HEXIM1: variants seen among roughly 807,000 people sequenced by gnomAD.
The protein encoded by HEXIM1 is protein HEXIM1.
A neutral mutation model predicts 30.3 loss-of-function variants in HEXIM1; 1 was observed. The ratio of observed to expected loss-of-function variants is 0.03; its 90% confidence interval spans 0.01 to 0.16. The LOEUF (loss-of-function observed/expected upper bound fraction) is 0.16, where lower values mean the gene tolerates loss of function less well. Among genes scored for constraint, HEXIM1 ranks in the 10% least tolerant of loss-of-function variants. HEXIM1 has a pLI of 1.00. For missense variants in HEXIM1, 391 were observed against 476.4 expected, an observed-to-expected ratio of 0.82 and a Z score of 1.67; for synonymous variants, 245 against 208.3, an observed-to-expected ratio of 1.18 and a Z score of -1.52.
chr17:45,149,127 AC>A lies in HEXIM1; in HGVS notation c.-61del. Reference sequence around the variant, plus strand: ...TTTCTTTTTCTTTTTTTTAAGAAAAACCCATTTTTTTCCTTAAGGACTTACT... The same window carrying A: ...TTTCTTTTTCTTTTTTTTAAGAAAAACCATTTTTTTCCTTAAGGACTTACT... On this transcript the variant is annotated 5_prime_UTR_variant, in exon 1 of 1. Transcript: ENST00000332499. The surrounding 1 kb of genome is among the most constrained non-coding windows in gnomAD (Gnocchi z 5.3). 6.8e-7 allele frequency: 1 copy of A among 1,466,346 alleles called. No individual in the cohort carries two copies. Among genetic ancestry groups the A allele is most frequent in the Non-Finnish European group, 9.1e-7 (1 of 1,096,848 alleles). 90.8% of individuals were successfully genotyped at this position (1,466,346 alleles called of 1,614,324 possible).
rs756541320 is a variant in HEXIM1, at chr17:45,150,141, C to T, written c.951C>T (p.Gly317=). 1.2e-5 allele frequency: 20 copies of T among 1,613,350 alleles called. No individual in the cohort carries two copies. The African/African-American group carries it at 1.7e-4, about 14-fold the overall frequency. Residue 317 remains glycine, a synonymous_variant, in exon 1 of 1, where the codon GGC becomes GGT. Coordinates refer to ENST00000332499, the MANE Select transcript of HEXIM1 (RefSeq NM_006460.3). ...GGCTGGAGAGCAAGCGGCTGGGTGG[C>T]GACGACGCGCGTGTGCGGGAGCTGG... The part of the protein sequence containing the change: ...RLRLESKRLG[G]DDARVRELEL...
In HEXIM1 at chr17:45,150,078, G is replaced by A. The variant is rs1197234281; in HGVS notation, c.888G>A (p.Lys296=). 1.2e-6 allele frequency: 2 copies of A among 1,613,840 alleles called. No individual in the cohort carries two copies. Among genetic ancestry groups the A allele is most frequent in the Admixed American group, 1.7e-5 (1 of 60,004 alleles). Residue 296 remains lysine (K), a synonymous_variant, in exon 1 of 1, where the codon AAG becomes AAA. Coordinates refer to ENST00000332499, the MANE Select transcript of HEXIM1 (RefSeq NM_006460.3). ...ELIKEYLELE[K]CLSRMEDENN... The stretch of plus-strand genomic sequence containing the variant: ...TCAAGGAGTACCTGGAACTGGAGAA[G>A]TGCCTCTCGCGCATGGAGGACGAGA...
rs910782172 is a variant in HEXIM1, at chr17:45,148,785, C to T, written c.-406C>T. 11 of 402,960 alleles carry T rather than the reference C, an allele frequency of 2.7e-5. No individual in the cohort carries two copies. Among genetic ancestry groups the T allele is most frequent in the Middle Eastern group, 6.2e-4 (1 of 1,610 alleles). 25.0% of individuals were successfully genotyped at this position (402,960 alleles called of 1,614,324 possible). A position where few individuals can be genotyped will look rare whatever the true frequency, so the allele number is the denominator to read the frequency against. On this transcript the variant is annotated 5_prime_UTR_variant, in exon 1 of 1. Transcript: ENST00000332499. Reference sequence around the variant, plus strand: ...GATTTAACCCTTTGTGGATCTGGCCCCTCGGAGGCAGCGTCATCGGTAGTT... The same window carrying T: ...GATTTAACCCTTTGTGGATCTGGCCTCTCGGAGGCAGCGTCATCGGTAGTT...
Position 45,149,291 on chromosome 17 carries a change from C to T in HEXIM1, c.101C>T (p.Pro34Leu). Reference protein sequence around the residue: ...VQEELNPERPPGAEERVPEED... With the variant: ...VQEELNPERPLGAEERVPEED... ...GAAGAGCTGAACCCTGAGCGCCCCC[C>T]AGGCGCGGAGGAGCGGGTGCCCGAG... The change falls in exon 1 of 1, where the codon CCA (proline) becomes CTA (leucine). Residue 34 changes from proline (P) to leucine (L), a missense_variant. Pro to Leu is a moderately conservative substitution (Grantham distance 98). Around this residue, in one of 5 missense-constraint regions of HEXIM1, gnomAD observed 230 missense variants for 199.4 expected, o/e 1.15. Coordinates refer to ENST00000332499, the MANE Select transcript of HEXIM1 (RefSeq NM_006460.3). The surrounding 1 kb of genome is among the most constrained non-coding windows in gnomAD (Gnocchi z 5.3). 1 of 1,613,716 alleles carries T rather than the reference C, an allele frequency of 6.2e-7. No homozygotes were observed.
Position 45,151,022 on chromosome 17 carries a change from T to TATTA in HEXIM1, c.*753_*754insTTAA, listed in dbSNP as rs2055544732. ...CTGCCTCGGCCATTCAAAAGTCTAA[T>TATTA]AACAAAAAATGTAAACCTAATTTGG... On this transcript the variant is annotated 3_prime_UTR_variant, in exon 1 of 1. Coordinates refer to ENST00000332499, the MANE Select transcript of HEXIM1 (RefSeq NM_006460.3). The TATTA allele has an allele frequency of 6.0e-6, 1 of 166,984 alleles. No individual in the cohort carries two copies. Among genetic ancestry groups the TATTA allele is most frequent in the Admixed American group, 6.5e-5 (1 of 15,268 alleles). 10.3% of individuals were successfully genotyped at this position (166,984 alleles called of 1,614,324 possible). A position where few individuals can be genotyped will look rare whatever the true frequency, so the allele number is the denominator to read the frequency against.
Position 45,149,314 on chromosome 17 carries a change from G to A in HEXIM1, c.124G>A (p.Glu42Lys), listed in dbSNP as rs903988968. Reference protein sequence around the residue: ...RPPGAEERVPEEDSRWQSRAF... With the variant: ...RPPGAEERVPKEDSRWQSRAF... ...CCCAGGCGCGGAGGAGCGGGTGCCC[G>A]AGGAGGACAGTAGGTGGCAATCGAG... Residue 42 changes from glutamate to lysine, a missense_variant, in exon 1 of 1, where the codon GAG becomes AAG. This residue lies in a region of HEXIM1 where 230 missense variants were observed against 199.4 expected (regional missense o/e 1.15). Transcript: ENST00000332499. This position sits in a 1 kb window ranked among gnomAD's most constrained non-coding sequence, Gnocchi z 5.3. The A allele has an allele frequency of 1.1e-5, 18 of 1,613,418 alleles. No homozygotes were observed. Among genetic ancestry groups the A allele is most frequent in the Non-Finnish European group, 1.3e-5 (15 of 1,179,880 alleles).
chr17:45,150,325 T>TA lies in HEXIM1; in HGVS notation c.*57dup. The TA allele has an allele frequency of 1.3e-6, 2 of 1,564,668 alleles. No individual in the cohort carries two copies. The highest frequency in any genetic ancestry group is 1.7e-6 in the Non-Finnish European group (2 of 1,151,454). ...GGGGACTTTTTACAGTGATGGAATG[T>TA]AACATTATATACATGTGTATATAAG... is the stretch of plus-strand genomic sequence containing the variant. On this transcript the variant is annotated 3_prime_UTR_variant, in exon 1 of 1. Transcript: ENST00000332499.
At position 45,148,543 on chromosome 17, in the gene HEXIM1, G is replaced by A. The variant is rs1331875136; in HGVS notation, c.-648G>A. The stretch of plus-strand genomic sequence containing the variant: ...AGTCGGGGGAGGACGCGGAAGAGGA[G>A]CTGTGGGAAGGGGGAGGAGGGAGGG... On this transcript the variant is annotated 5_prime_UTR_variant, in exon 1 of 1. Coordinates refer to ENST00000332499, the MANE Select transcript of HEXIM1 (RefSeq NM_006460.3). 2 of 399,642 alleles carry A rather than the reference G, an allele frequency of 5.0e-6. No individual in the cohort carries two copies. The highest frequency in any genetic ancestry group is 4.1e-5 in the African/African-American group (2 of 48,498). The allele number at this position is 399,642 out of a possible 1,614,324, so 24.8% of individuals were successfully genotyped here.
chr17:45,149,138 T>C lies in HEXIM1; in HGVS notation c.-53T>C. On this transcript the variant is annotated 5_prime_UTR_variant, in exon 1 of 1. Coordinates refer to ENST00000332499, the MANE Select transcript of HEXIM1 (RefSeq NM_006460.3). This position sits in a 1 kb window ranked among gnomAD's most constrained non-coding sequence, Gnocchi z 5.3. ...TTTTTTTAAGAAAAACCCATTTTTT[T>C]CCTTAAGGACTTACTAGCCAAAATT... The C allele has an allele frequency of 6.6e-7, 1 of 1,509,470 alleles. No individual in the cohort carries two copies. The highest frequency in any genetic ancestry group is 1.3e-5 in the South Asian group (1 of 79,018). 93.5% of individuals were successfully genotyped at this position (1,509,470 alleles called of 1,614,324 possible).
Position 45,150,174 on chromosome 17 carries a change from G to A in HEXIM1, c.984G>A (p.Glu328=). ...CGCGTGTGCGGGAGCTGGAGCTGGAGCTGGACCGGCTGCGCGCCGAGAACC... is the reference window on the plus strand; with the variant it reads ...CGCGTGTGCGGGAGCTGGAGCTGGAACTGGACCGGCTGCGCGCCGAGAACC... ...DDARVRELEL[E]LDRLRAENLQ... is the part of the protein sequence containing the mutation. Residue 328 remains glutamate (E), a synonymous_variant, in exon 1 of 1, where the codon GAG becomes GAA. Transcript: ENST00000332499. 1 of 1,613,192 alleles carries A rather than the reference G, an allele frequency of 6.2e-7. No homozygotes were observed. The highest frequency in any genetic ancestry group is 1.6e-4 in the Middle Eastern group (1 of 6,062).
Position 45,149,422 on chromosome 17 carries a change from G to A in HEXIM1, c.232G>A (p.Ala78Thr). 6.2e-7 allele frequency: 1 copy of A among 1,613,290 alleles called. No homozygotes were observed. The highest frequency in any genetic ancestry group is 8.5e-7 in the Non-Finnish European group (1 of 1,179,952). The part of the protein sequence containing the change: ...ESQPPPLQTQ[A>T]CPESSCLREG... The stretch of plus-strand genomic sequence containing the variant: ...CCAACCACCTCCCTTGCAGACCCAG[G>A]CCTGTCCAGAATCTAGCTGCCTGAG... Residue 78 changes from alanine to threonine, a missense_variant, in exon 1 of 1, where the codon GCC becomes ACC. Transcript: ENST00000332499. This position sits in a 1 kb window ranked among gnomAD's most constrained non-coding sequence, Gnocchi z 5.3.
In HEXIM1 at chr17:45,149,068, CA is replaced by C. The variant is rs2055525502; in HGVS notation, c.-120del. ...GCTAAAGGCGTCACTGCAGGAATTA[CA>C]AACTGAAGAGGACTCTGTTGGACTG... On this transcript the variant is annotated 5_prime_UTR_variant, in exon 1 of 1. Coordinates refer to ENST00000332499, the MANE Select transcript of HEXIM1 (RefSeq NM_006460.3). This position sits in a 1 kb window ranked among gnomAD's most constrained non-coding sequence, Gnocchi z 5.3. 9.7e-7 allele frequency: 1 copy of C among 1,027,676 alleles called. No individual in the cohort carries two copies. The allele number at this position is 1,027,676 out of a possible 1,614,324, so 63.7% of individuals were successfully genotyped here.
chr17:45,150,335 T>C lies in HEXIM1; in HGVS notation c.*65T>C. On this transcript the variant is annotated 3_prime_UTR_variant, in exon 1 of 1. Transcript: ENST00000332499. ...TACAGTGATGGAATGTAACATTATA[T>C]ACATGTGTATATAAGACAGTGGACC... 6.5e-7 allele frequency: 1 copy of C among 1,537,610 alleles called. No individual in the cohort carries two copies. The highest frequency in any genetic ancestry group is 8.8e-7 in the Non-Finnish European group (1 of 1,134,348).
rs552016551 is a variant in HEXIM1, at chr17:45,149,857, G to A, written c.667G>A (p.Gly223Ser). 6.8e-6 allele frequency: 11 copies of A among 1,613,492 alleles called. No individual in the cohort carries two copies. The highest frequency in any genetic ancestry group is 3.3e-4 in the Middle Eastern group (2 of 6,084). Residue 223 changes from glycine to serine, a missense_variant, in exon 1 of 1, where the codon GGC (glycine) becomes AGC (serine). Around this residue, in one of 5 missense-constraint regions of HEXIM1, gnomAD observed 38 missense variants for 40.0 expected, o/e 0.95. Transcript: ENST00000332499. The surrounding 1 kb of genome is among the most constrained non-coding windows in gnomAD (Gnocchi z 5.3). The stretch of plus-strand genomic sequence containing the variant: ...CCAGGAGGAGCCGGATCTCAAAACC[G>A]GCCTGTACTCCAAGCGGGCCGCCGC... ...HDQEEPDLKT[G>S]LYSKRAAAKS...
In HEXIM1 at chr17:45,151,327, C is replaced by T. The variant is rs552346778; in HGVS notation, c.*1057C>T. 3.0e-5 allele frequency: 5 copies of T among 167,096 alleles called. No individual in the cohort carries two copies. The East Asian group carries it at 5.8e-4, about 19-fold the overall frequency. The allele number at this position is 167,096 out of a possible 1,614,324, so 10.4% of individuals were successfully genotyped here. A position where few individuals can be genotyped will look rare whatever the true frequency, so the allele number is the denominator to read the frequency against. On this transcript the variant is annotated 3_prime_UTR_variant, in exon 1 of 1. Transcript: ENST00000332499. ...AAAACAAAAAAAAAAAGCTATCCAC[C>T]TTTCCATGTGGGTCAAACTAAAATT...
chr17:45,149,590 G>A lies in HEXIM1; in HGVS notation c.400G>A (p.Ala134Thr), dbSNP rs763269543. 3 of 1,611,076 alleles carry A rather than the reference G, an allele frequency of 1.9e-6. No individual in the cohort carries two copies. Among genetic ancestry groups the A allele is most frequent in the Non-Finnish European group, 2.5e-6 (3 of 1,178,870 alleles). Reference protein sequence around the residue: ...DSEASKLGAPAAGGEEEWGQQ... With the variant: ...DSEASKLGAPTAGGEEEWGQQ... ...CGAGGCCAGTAAGTTGGGGGCTCCT[G>A]CCGCAGGGGGCGAAGAGGAGTGGGG... is the stretch of plus-strand genomic sequence containing the variant. The change falls in exon 1 of 1, where the codon GCC (alanine) becomes ACC (threonine). Residue 134 changes from alanine (A) to threonine (T), a missense_variant. Transcript: ENST00000332499. The surrounding 1 kb of genome is among the most constrained non-coding windows in gnomAD (Gnocchi z 5.3).
chr17:45,149,695 A>C lies in HEXIM1; in HGVS notation c.505A>C (p.Lys169Gln). 1 of 1,612,810 alleles carries C rather than the reference A, an allele frequency of 6.2e-7. No homozygotes were observed. The highest frequency in any genetic ancestry group is 8.5e-7 in the Non-Finnish European group (1 of 1,179,994). The change falls in exon 1 of 1, where the codon AAG becomes CAG. Residue 169 changes from lysine (K) to glutamine (Q), a missense_variant. By Grantham distance (53) the Lys-to-Gln change is moderately conservative (BLOSUM62 1). Around this residue, in one of 5 missense-constraint regions of HEXIM1, gnomAD observed 30 missense variants for 88.1 expected, o/e 0.34. Coordinates refer to ENST00000332499, the MANE Select transcript of HEXIM1 (RefSeq NM_006460.3). The surrounding 1 kb of genome is among the most constrained non-coding windows in gnomAD (Gnocchi z 5.3). ...KKKRHWKPYY[K>Q]LTWEEKKKFD... The stretch of plus-strand genomic sequence containing the variant: ...GAAGCGGCATTGGAAACCGTACTAC[A>C]AGCTGACCTGGGAAGAGAAGAAAAA...
rs750471057 is a variant in HEXIM1, at chr17:45,150,544, A to G, written c.*274A>G. On this transcript the variant is annotated 3_prime_UTR_variant, in exon 1 of 1. Coordinates refer to ENST00000332499, the MANE Select transcript of HEXIM1 (RefSeq NM_006460.3). ...AAGTAATTTGACCAAGTTATAATGC[A>G]TTTTTGTTTTTAACAAATCCCCTCC... is the stretch of plus-strand genomic sequence containing the variant. 7.3e-6 allele frequency: 3 copies of G among 408,996 alleles called. No homozygotes were observed. In the East Asian group the frequency reaches 1.3e-4, roughly 17 times the overall value. The allele number at this position is 408,996 out of a possible 1,614,324, so 25.3% of individuals were successfully genotyped here.
Position 45,151,768 on chromosome 17 carries a change from A to T in HEXIM1, c.*1498A>T, listed in dbSNP as rs1390500996. 2 of 167,080 alleles carry T rather than the reference A, an allele frequency of 1.2e-5. No homozygotes were observed. Among genetic ancestry groups the T allele is most frequent in the African/African-American group, 4.8e-5 (2 of 41,450 alleles). 10.3% of individuals were successfully genotyped at this position (167,080 alleles called of 1,614,324 possible). On this transcript the variant is annotated 3_prime_UTR_variant, in exon 1 of 1. Coordinates refer to ENST00000332499, the MANE Select transcript of HEXIM1 (RefSeq NM_006460.3). ...TTGTATGTACATTTTTCTGGGGAGA[A>T]GGTTCAAGAGATTCATAAGATTGTC...
Sources: allele counts gnomAD v4.1 joint callset, GRCh38; gene constraint gnomAD v4.1.1; regional missense constraint gnomAD v4.1.1; non-coding constraint Gnocchi (gnomAD v3.1); transcripts MANE v1.5; gene names NCBI Gene and HGNC (gene_info 2026-07-23, HGNC 2026-07-21).